The following MMS22L variants were observed in gnomAD, a reference collection of about 807,000 sequenced individuals.
The protein encoded by MMS22L is MMS22 like, DNA repair protein.
Under a neutral mutation model 159.1 loss-of-function variants are expected in MMS22L, and 74 were observed. The ratio of observed to expected loss-of-function variants is 0.47; its 90% confidence interval spans 0.39 to 0.56. The LOEUF (loss-of-function observed/expected upper bound fraction) is 0.56, where lower values mean the gene tolerates loss of function less well. MMS22L is among the 20% of genes least tolerant of loss of function. MMS22L has a pLI of 0.00. For missense variants in MMS22L, 1,351 were observed against 1,422.1 expected, an observed-to-expected ratio of 0.95 and a Z score of 0.80; for synonymous variants, 517 against 506.9, an observed-to-expected ratio of 1.02 and a Z score of -0.27.
chr6:97,186,756 ATT>A (rs932436502), intron 14 of MMS22L, 66 bp from the exon 15 acceptor site: 300 of 1,225,254 alleles, frequency 2.4e-4, no homozygotes, highest in Non-Finnish European at 1.2e-4. Flanking sequence ...CTTAAAGTAC[ATT>A]TTGAGCTTTT....
intron 11 of MMS22L, among the ~76,000 whole-genome samples, chr6:97,237,314 C>T (rs537476401): frequency 6.6e-6 from 1 of 152,292 alleles, no homozygotes; most frequent in African/African-American, 2.4e-5. Flanking sequence ...TGGTACAAAA[C>T]CTTTTCAATG....
chr6:97,246,356 G>A (rs1812641058), intron 11 of MMS22L, among the ~76,000 whole-genome samples: 1 of 152,112 alleles, frequency 6.6e-6, no homozygotes, highest in African/African-American at 2.4e-5. Context: ...ATACAGTCAA[G>A]GAATGGCATA....
intron 20 of MMS22L, among the ~76,000 whole-genome samples, chr6:97,167,731 C>A (rs565969370): frequency 6.6e-6 from 1 of 152,134 alleles, no homozygotes; most frequent in South Asian, 2.1e-4. Context: ...CAACTCCTAC[C>A]CATTTTGCTC....
intron 14 of MMS22L, among the ~76,000 whole-genome samples, chr6:97,211,883 G>T (rs1808418302): frequency 6.6e-6 from 1 of 152,168 alleles, no homozygotes; most frequent in East Asian, 1.9e-4. Context: ...CTTTTGAACT[G>T]CTATCTAAAT....
chr6:97,270,963 A>G (rs1815672114), intron 6 of MMS22L: 1 of 152,146 alleles, frequency 6.6e-6, no homozygotes, highest in African/African-American at 2.4e-5. Context: ...AAATATAACT[A>G]TCTAAAAAAT....
intron 22 of MMS22L, among the ~76,000 whole-genome samples, chr6:97,154,029 G>A (rs1240961166): frequency 6.6e-6 from 1 of 152,058 alleles, no homozygotes; most frequent in Non-Finnish European, 1.5e-5. Context: ...TTAACCGCTT[G>A]AGGAACTACT....
rs1402373949 is a variant in MMS22L at position 97,143,418 on chromosome 6, G to C, written c.*3388C>G. 1 of 152,188 alleles carries C rather than the reference G, an allele frequency of 6.6e-6. No homozygotes were observed. Among genetic ancestry groups the C allele is most frequent in the Non-Finnish European group, 1.5e-5 (1 of 68,046 alleles). 9.4% of individuals were successfully genotyped at this position (152,188 alleles called of 1,614,324 possible). On this transcript the variant is annotated 3_prime_UTR_variant, in exon 25 of 25. Coordinates refer to ENST00000683635, the MANE Select transcript of MMS22L (RefSeq NM_001350599.2). Reference sequence around the variant, plus strand: ...TCAGATAGGTGGCAGAAAGTCTCCAGACTGAAGGGTTTGAACATCACCTTA... The same window carrying C: ...TCAGATAGGTGGCAGAAAGTCTCCACACTGAAGGGTTTGAACATCACCTTA...
chr6:97,263,562 A>C (rs571385631), intron 8 of MMS22L, 114 bp from the exon 9 acceptor site: 1 of 461,270 alleles, frequency 2.2e-6, no homozygotes, highest in African/African-American at 2.0e-5. Flanking sequence ...ATTTATTCTC[A>C]ATTAGACAAA....
chr6:97,270,057 T>G, intron 6 of MMS22L, 65 bp from the exon 7 acceptor site: 1 of 1,242,584 alleles, frequency 8.0e-7, no homozygotes, highest in Non-Finnish European at 1.2e-6. Context: ...TTTCATAGCA[T>G]GTCACAATAC....
At chr6:97,273,928 T>C (rs755004957) in intron 4 of MMS22L, among the ~76,000 whole-genome samples, 5 of 152,164 alleles carry the variant, frequency 3.3e-5, no homozygotes, top group Non-Finnish European at 7.4e-5. Flanking sequence ...TCAAAACTCT[T>C]GAAAGAATAC....
At chr6:97,187,465 T>C (rs1393842925) in intron 14 of MMS22L, among the ~76,000 whole-genome samples, 1 of 152,190 alleles carries the variant, frequency 6.6e-6, no homozygotes, top group Non-Finnish European at 1.5e-5. Context: ...CACCCACTGA[T>C]AATATGATTA....
chr6:97,213,468 C>A (rs1208280424), intron 14 of MMS22L, among the ~76,000 whole-genome samples: 1 of 152,074 alleles, frequency 6.6e-6, no homozygotes, highest in African/African-American at 2.4e-5. Flanking sequence ...TCCCCCCACC[C>A]TTCAAAATAA....
chr6:97,169,124 C>T (rs984280707), intron 19 of MMS22L, among the ~76,000 whole-genome samples: 7 of 152,002 alleles, frequency 4.6e-5, no homozygotes, highest in Non-Finnish European at 1.0e-4. Flanking sequence ...AGTTTTTACA[C>T]CTTTCCATTA....
At chr6:97,224,701 A>G (rs1810034841) in intron 14 of MMS22L, among the ~76,000 whole-genome samples, 1 of 152,012 alleles carries the variant, frequency 6.6e-6, no homozygotes, top group Admixed American at 6.5e-5. Flanking sequence ...AGGTTTGCAA[A>G]TAAGTTTGCA....
intron 21 of MMS22L, 73 bp downstream of exon 21, chr6:97,165,173 G>C: frequency 7.2e-7 from 1 of 1,385,518 alleles, no homozygotes; most frequent in Non-Finnish European, 1.0e-6. Flanking sequence ...CAATATGTTT[G>C]AAATGCCACT....
chr6:97,171,515 GA>G (rs1332697971), intron 19 of MMS22L, among the ~76,000 whole-genome samples: 52 of 152,252 alleles, frequency 3.4e-4, no homozygotes, highest in African/African-American at 1.2e-3. Context: ...TATCAGATAT[GA>G]AGAATGAGAA....
chr6:97,267,930 T>A lies in MMS22L; in HGVS notation c.770A>T (p.Glu257Val). The change falls in exon 8 of 25, where the codon GAA (glutamate) becomes GTA (valine). Residue 257 changes from glutamate to valine, a missense_variant. Transcript: ENST00000683635. ...ATCACAAAGGAGAGTTTCACAATGT[T>A]CTTCAAATAGGCTGATGTTGGTTAA... is the stretch of plus-strand genomic sequence containing the variant. Reference protein sequence around the residue: ...DNLTNISLFEEHCETLLCDLI... With the variant: ...DNLTNISLFEVHCETLLCDLI... 1 of 1,610,004 alleles carries A rather than the reference T, an allele frequency of 6.2e-7. No homozygotes were observed.
At chr6:97,179,808 G>A (rs1441969500) in intron 16 of MMS22L, among the ~76,000 whole-genome samples, 1 of 152,020 alleles carries the variant, frequency 6.6e-6, no homozygotes, top group African/African-American at 2.4e-5. Flanking sequence ...TCCACTGATG[G>A]CATATGTGTA....
Position 97,142,551 on chromosome 6 carries a change from A to G in MMS22L, c.*4255T>C, listed in dbSNP as rs1407854972. 1.3e-5 allele frequency: 2 copies of G among 152,210 alleles called. No individual in the cohort carries two copies. The highest frequency in any genetic ancestry group is 2.9e-5 in the Non-Finnish European group (2 of 67,952). 9.4% of individuals were successfully genotyped at this position (152,210 alleles called of 1,614,324 possible). ...TAAAAGATCAGTTTTTTGGAAAATA[A>G]AAGATTTATATAAAAAGTCTGGATA... On this transcript the variant is annotated 3_prime_UTR_variant, in exon 25 of 25. Coordinates refer to ENST00000683635, the MANE Select transcript of MMS22L (RefSeq NM_001350599.2).
Sources: gnomAD v4.1 joint callset for allele counts (sites outside exome capture counted in the v4.1 genomes callset) on GRCh38, gnomAD v4.1.1 for gene constraint, MANE v1.5 for transcripts, NCBI Gene and HGNC (gene_info 2026-07-23, HGNC 2026-07-21) for gene names.